SOBP: variants seen among roughly 807,000 people sequenced by gnomAD.
SOBP encodes sine oculis binding protein homolog, also known as sine oculis-binding protein homolog.
In SOBP, 4 loss-of-function variants were observed where a neutral mutation model predicts 53.6. The ratio of observed to expected loss-of-function variants is 0.07; its 90% CI spans 0.04 to 0.17. SOBP has a LOEUF of 0.17. Ranked by LOEUF, SOBP falls within the 10% of genes least tolerant of loss-of-function variation. The pLI is 1.00. For synonymous variants in SOBP, 584 were observed against 522.6 expected, an observed-to-expected ratio of 1.12 and a Z score of -1.60; for missense variants, 1,088 against 1,204.7, an observed-to-expected ratio of 0.90 and a Z score of 1.43.
chr6:107,638,998 G>T (rs1771190721), intron 6 of SOBP, among the ~76,000 whole-genome samples: 1 of 152,108 alleles, frequency 6.6e-6, no homozygotes, highest in African/African-American at 2.4e-5. Flanking sequence ...TGCCTCCGGG[G>T]TTGAAGCAAT....
At chr6:107,545,552 T>C (rs749715330) in intron 4 of SOBP, among the ~76,000 whole-genome samples, 7 of 152,210 alleles carry the variant, frequency 4.6e-5, no homozygotes, top group Admixed American at 1.3e-4. Context: ...TCTATAGAAA[T>C]GTAGTGACAA....
rs768929269 is a variant in SOBP, at chr6:107,503,725, T to A, written c.165T>A (p.Asp55Glu). 6.2e-7 allele frequency: 1 copy of A among 1,614,160 alleles called. No homozygotes were observed. The highest frequency in any genetic ancestry group is 8.5e-7 in the Non-Finnish European group (1 of 1,180,006). Reference protein sequence around the residue: ...WYGYDKVELKDGEDIEFRSYP... With the variant: ...WYGYDKVELKEGEDIEFRSYP... ...GCTATGATAAGGTTGAATTAAAAGA[T>A]GGTGAGGATATTGAATTCAGGAGCT... Residue 55 changes from aspartate to glutamate, a missense_variant, in exon 2 of 7, where the codon GAT (aspartate) becomes GAA (glutamate). Physicochemically the swap from Asp to Glu is conservative, Grantham distance 45. Transcript: ENST00000317357.
chr6:107,518,668 T>A (rs1474003734), intron 3 of SOBP, among the ~76,000 whole-genome samples: 1 of 151,786 alleles, frequency 6.6e-6, no homozygotes, highest in Non-Finnish European at 1.5e-5. Context: ...ATTCCTTAGA[T>A]GGGCTTAGGT....
intron 5 of SOBP, among the ~76,000 whole-genome samples, chr6:107,626,797 C>T (rs998363192): frequency 1.3e-5 from 2 of 149,870 alleles, no homozygotes; most frequent in Non-Finnish European, 3.0e-5. Flanking sequence ...CTCCCAGTTT[C>T]CTTTCTTTCT....
At chr6:107,495,426 G>C (rs1041436247) in intron 1 of SOBP, among the ~76,000 whole-genome samples, 1 of 152,230 alleles carries the variant, frequency 6.6e-6, no homozygotes, top group Admixed American at 6.5e-5. Context: ...ATGTACGGTA[G>C]AGCGTCATTC....
intron 3 of SOBP, among the ~76,000 whole-genome samples, chr6:107,523,793 T>A (rs1783582768): frequency 6.6e-6 from 1 of 152,264 alleles, no homozygotes; most frequent in Admixed American, 6.5e-5. Context: ...TTCATGGTGA[T>A]GGAGCCCTGG....
chr6:107,639,172 G>T (rs1771198679), intron 6 of SOBP, among the ~76,000 whole-genome samples: 3 of 152,092 alleles, frequency 2.0e-5, no homozygotes, highest in Non-Finnish European at 2.9e-5. Context: ...CAAAGTGTTG[G>T]GATTACAGGT....
intron 4 of SOBP, among the ~76,000 whole-genome samples, chr6:107,566,690 C>A (rs1041567401): frequency 6.6e-6 from 1 of 152,218 alleles, no homozygotes; most frequent in Non-Finnish European, 1.5e-5. Flanking sequence ...ATGTACAAAT[C>A]CATCATGGCC....
At chr6:107,491,300 C>A (rs1039111129) in intron 1 of SOBP, among the ~76,000 whole-genome samples, 12 of 152,216 alleles carry the variant, frequency 7.9e-5, no homozygotes, top group Admixed American at 2.0e-4. Context: ...CGCACCTCAC[C>A]ACTGGCAGCC....
rs1770925230 is a variant in SOBP, at chr6:107,634,744, C to T, written c.1900C>T (p.Pro634Ser). The T allele has an allele frequency of 1.5e-6, 2 of 1,335,420 alleles. No individual in the cohort carries two copies. The highest frequency in any genetic ancestry group is 1.9e-6 in the Non-Finnish European group (2 of 1,051,210). 82.7% of individuals were successfully genotyped at this position (1,335,420 alleles called of 1,614,324 possible). A position where few individuals can be genotyped will look rare whatever the true frequency, so the allele number is the denominator to read the frequency against. Reference sequence around the variant, plus strand: ...GCGCGCCGGCAGCCCCCCGGGCCCCCCGGGCGCGGGCGGCCAGCTCGGCTT... The same window carrying T: ...GCGCGCCGGCAGCCCCCCGGGCCCCTCGGGCGCGGGCGGCCAGCTCGGCTT... ...TRRAGSPPGP[P>S]GAGGQLGFPG... The change falls in exon 6 of 7, where the codon CCG becomes TCG. Residue 634 changes from proline (P) to serine (S), a missense_variant. Physicochemically the swap from Pro to Ser is moderately conservative, Grantham distance 74. Transcript: ENST00000317357. The surrounding 1 kb of genome is among the most constrained non-coding windows in gnomAD (Gnocchi z 4.5).
chr6:107,581,924 G>A (rs905648986), intron 4 of SOBP, among the ~76,000 whole-genome samples: 1 of 152,146 alleles, frequency 6.6e-6, no homozygotes, highest in Non-Finnish European at 1.5e-5. Context: ...GAGCTGACAT[G>A]TGCTGCCTCT....
At chr6:107,644,533 GA>G (rs1771473942) in intron 6 of SOBP, among the ~76,000 whole-genome samples, 1 of 152,184 alleles carries the variant, frequency 6.6e-6, no homozygotes, top group South Asian at 2.1e-4. Context: ...AGAGGAGGGG[GA>G]AACCCTTTTT....
At chr6:107,598,125 G>A (rs1786015438) in intron 5 of SOBP, among the ~76,000 whole-genome samples, 1 of 152,010 alleles carries the variant, frequency 6.6e-6, no homozygotes, top group Non-Finnish European at 1.5e-5. Flanking sequence ...TGTAAAATGT[G>A]CATCCTTCTC....
chr6:107,569,301 C>A (rs1405718844), intron 4 of SOBP, among the ~76,000 whole-genome samples: 1 of 152,206 alleles, frequency 6.6e-6, no homozygotes, highest in Non-Finnish European at 1.5e-5. Context: ...CCTACCAAGG[C>A]AAATCTGAGA....
In SOBP at chr6:107,499,841, TTTTA is replaced by T. The variant is rs538600251; in HGVS notation, c.97-3813_97-3810del. 1.1e-3 allele frequency among the ~76,000 whole-genome samples: 174 copies of T among 152,316 alleles called. 3 individuals carry two copies. The highest frequency in any genetic ancestry group is 3.9e-3 in the African/African-American group (163 of 41,576). On this transcript the variant is annotated intron_variant, in intron 1 of 6. Transcript: ENST00000317357. ...TAACCTGCCTTCGTTCAGTGGCTTG[TTTTA>T]TTACTGAACATCCTTATCTCGAAAA...
At chr6:107,592,473 G>A (rs1005424211) in intron 5 of SOBP, among the ~76,000 whole-genome samples, 4 of 152,174 alleles carry the variant, frequency 2.6e-5, no homozygotes, top group East Asian at 1.9e-4. Flanking sequence ...CAGAATAGGT[G>A]CAATTGACCA....
chr6:107,516,702 T>C lies in SOBP; in HGVS notation c.421+10275T>C, dbSNP rs142925128. Reference sequence around the variant, plus strand: ...TCTAAACACAGTCAATATCTGCAAATCAATGATATCTCTGTATTCCAGCCA... The same window carrying C: ...TCTAAACACAGTCAATATCTGCAAACCAATGATATCTCTGTATTCCAGCCA... On this transcript the variant is annotated intron_variant, in intron 3 of 6. Transcript: ENST00000317357. 4.2e-3 allele frequency among the ~76,000 whole-genome samples: 637 copies of C among 152,244 alleles called. 2 individuals carry two copies. Among genetic ancestry groups the C allele is most frequent in the African/African-American group, 0.015 (606 of 41,542 alleles).
chr6:107,585,656 G>A (rs1322432022), intron 4 of SOBP, among the ~76,000 whole-genome samples: 1 of 152,180 alleles, frequency 6.6e-6, no homozygotes, highest in East Asian at 1.9e-4. Flanking sequence ...TCTCAAAAGT[G>A]AACCAAAAGA....
intron 5 of SOBP, among the ~76,000 whole-genome samples, chr6:107,617,363 T>C (rs572961132): frequency 2.6e-5 from 4 of 152,166 alleles, no homozygotes; most frequent in African/African-American, 9.7e-5. Flanking sequence ...TCATGAGGAA[T>C]GTGTGAGTGT....
Sources: gnomAD v4.1 joint callset for allele counts (sites outside exome capture counted in the v4.1 genomes callset) on GRCh38, gnomAD v4.1.1 for gene constraint, Gnocchi (gnomAD v3.1) non-coding constraint, MANE v1.5 for transcripts, NCBI Gene and HGNC (gene_info 2026-07-23, HGNC 2026-07-21) for gene names.